Variants in ASIC2 observed in about 807,000 individuals in gnomAD.
ASIC2 encodes the protein acid sensing ion channel subunit 2, also known as acid-sensing ion channel 2.
ASIC2 carries 25 observed loss-of-function variants against 57.3 expected under a neutral mutation model. The observed-to-expected ratio is 0.44, with a 90% CI of 0.32 to 0.61. ASIC2 has a LOEUF of 0.61. Ranked by LOEUF, ASIC2 falls within the 20% of genes least tolerant of loss-of-function variation. The pLI is 0.06. For missense variants in ASIC2, 641 were observed against 738.1 expected, an observed-to-expected ratio of 0.87 and a Z score of 1.52; for synonymous variants, 319 against 307.5, an observed-to-expected ratio of 1.04 and a Z score of -0.39.
intron 1 of ASIC2, among the ~76,000 whole-genome samples, chr17:34,103,669 T>G (rs891882137): frequency 8.5e-5 from 13 of 152,166 alleles, no homozygotes; most frequent in African/African-American, 3.1e-4. Context: ...ACTTTTTTTT[T>G]GCACAGATAT....
intron 1 of ASIC2, among the ~76,000 whole-genome samples, chr17:33,326,784 A>G (rs1429772504): frequency 6.6e-6 from 1 of 152,198 alleles, no homozygotes; most frequent in Non-Finnish European, 1.5e-5. Flanking sequence ...CCCCATTTCC[A>G]AAGTCAGTCC....
At chr17:33,426,847 G>A (rs1032320925) in intron 1 of ASIC2, among the ~76,000 whole-genome samples, 1 of 152,184 alleles carries the variant, frequency 6.6e-6, no homozygotes, top group African/African-American at 2.4e-5. Flanking sequence ...TGCAATAAAT[G>A]ATATGATGGG....
intron 1 of ASIC2, among the ~76,000 whole-genome samples, chr17:33,628,652 GATA>G (rs1161881785): frequency 6.6e-6 from 1 of 152,044 alleles, no homozygotes; most frequent in Non-Finnish European, 1.5e-5. Flanking sequence ...ATCCCTGGCT[GATA>G]ATAATAATTT....
chr17:33,891,017 T>C (rs34818646), intron 1 of ASIC2, among the ~76,000 whole-genome samples: 43 of 152,116 alleles, frequency 2.8e-4, no homozygotes, highest in African/African-American at 9.7e-4. Context: ...CAGGAATCCT[T>C]GAGCCCTTCT....
At chr17:33,872,081 C>T (rs143295448) in intron 1 of ASIC2, among the ~76,000 whole-genome samples, 56 of 152,284 alleles carry the variant, frequency 3.7e-4, no homozygotes, top group Non-Finnish European at 7.5e-4. Context: ...GCAAGTGACT[C>T]GCCTGGACCA....
Position 33,714,806 on chromosome 17 carries a change from C to CT in ASIC2, c.555+441171dup, listed in dbSNP as rs11323251. 6.6e-3 allele frequency among the ~76,000 whole-genome samples: 818 copies of CT among 124,048 alleles called. 6 individuals are homozygous for CT. The highest frequency in any genetic ancestry group is 0.011 in the East Asian group (50 of 4,404). The allele number at this position is 124,048 out of a possible 152,430, so 81.4% of individuals were successfully genotyped here. The stretch of plus-strand genomic sequence containing the variant: ...TTGTTATATTACGTGATTCTGTGAC[C>CT]TTTTTTTTTTTTTTTTTTTGATTTT... On this transcript the variant is annotated intron_variant, in intron 1 of 9. Coordinates refer to the ASIC2 transcript ENST00000359872.
chr17:34,010,369 C>G (rs564397519), intron 1 of ASIC2, among the ~76,000 whole-genome samples: 3 of 152,250 alleles, frequency 2.0e-5, no homozygotes, highest in South Asian at 4.2e-4. Flanking sequence ...TAGTGGCCTC[C>G]CCTTCTGAAA....
chr17:33,745,789 A>G (rs750433052), intron 1 of ASIC2, among the ~76,000 whole-genome samples: 2 of 152,216 alleles, frequency 1.3e-5, no homozygotes. Context: ...CCTTATGGAA[A>G]ATACTAAAGG....
chr17:33,518,283 G>A (rs1320960252), intron 1 of ASIC2, among the ~76,000 whole-genome samples: 5 of 152,322 alleles, frequency 3.3e-5, no homozygotes, highest in African/African-American at 7.2e-5. Flanking sequence ...TGATAGCCAT[G>A]GCGTTTGAAG....
chr17:33,052,716 A>C (rs2091982186), intron 3 of ASIC2: 1 of 152,162 alleles, frequency 6.6e-6, no homozygotes, highest in Non-Finnish European at 1.5e-5. Flanking sequence ...TATCCAGAAC[A>C]TCTTCAGTAA....
At chr17:33,986,855 A>G (rs1175109777) in intron 1 of ASIC2, among the ~76,000 whole-genome samples, 1 of 152,100 alleles carries the variant, frequency 6.6e-6, no homozygotes, top group African/African-American at 2.4e-5. Context: ...TGAAGCTCAT[A>G]TACTCTCCAC....
At chr17:33,075,724 C>T (rs1191454616) in intron 3 of ASIC2, among the ~76,000 whole-genome samples, 1 of 152,114 alleles carries the variant, frequency 6.6e-6, no homozygotes, top group Non-Finnish European at 1.5e-5. Context: ...CCTACTATGT[C>T]CTGAGCACTG....
intron 1 of ASIC2, among the ~76,000 whole-genome samples, chr17:33,919,824 A>G (rs1321682272): frequency 1.3e-5 from 2 of 152,210 alleles, no homozygotes; most frequent in African/African-American, 4.8e-5. Flanking sequence ...TAATTCAACA[A>G]GAAAATAACA....
intron 1 of ASIC2, among the ~76,000 whole-genome samples, chr17:33,413,439 C>G (rs186231643): frequency 8.5e-5 from 13 of 152,274 alleles, no homozygotes; most frequent in Non-Finnish European, 1.8e-4. Flanking sequence ...ATTTTACCTC[C>G]TAACTATCTC....
intron 1 of ASIC2, among the ~76,000 whole-genome samples, chr17:33,775,316 A>G (rs555324871): frequency 6.6e-6 from 1 of 152,348 alleles, no homozygotes; most frequent in African/African-American, 2.4e-5. Context: ...TAGAACCCAT[A>G]TTCTGACTCC....
chr17:33,733,666 TTCCCTGCCTGCCAC>T (rs1177946818), intron 1 of ASIC2, among the ~76,000 whole-genome samples: 2 of 152,210 alleles, frequency 1.3e-5, no homozygotes, highest in Non-Finnish European at 2.9e-5. Context: ...GCTAATTATC[TTCCCTGCCTGCCAC>T]TGCTAAGAAA....
intron 1 of ASIC2, among the ~76,000 whole-genome samples, chr17:33,203,131 C>T (rs539104992): frequency 6.6e-6 from 1 of 152,294 alleles, no homozygotes; most frequent in South Asian, 2.1e-4. Flanking sequence ...AGCCCATGGC[C>T]CCTTTCATCC....
At chr17:34,021,825 GTGTTT>G (rs1021157636) in intron 1 of ASIC2, among the ~76,000 whole-genome samples, 15 of 143,158 alleles carry the variant, frequency 1.0e-4, no homozygotes, top group East Asian at 2.0e-4. Context: ...TGTTGGTTTT[GTGTTT>G]TGTTTTGTTT....
intron 1 of ASIC2, among the ~76,000 whole-genome samples, chr17:33,948,134 C>T (rs1904442577): frequency 6.6e-6 from 1 of 152,168 alleles, no homozygotes; most frequent in African/African-American, 2.4e-5. Flanking sequence ...AAGGGCTGGA[C>T]TCTGATGGGG....
Sources: gnomAD v4.1 joint callset for allele counts (sites outside exome capture counted in the v4.1 genomes callset) on GRCh38, gnomAD v4.1.1 for gene constraint, MANE v1.5 for transcripts, NCBI Gene and HGNC (gene_info 2026-07-23, HGNC 2026-07-21) for gene names.